The following SYN3 variants were observed in gnomAD, a reference collection of about 807,000 sequenced individuals.
SYN3 encodes synapsin-3.
A neutral mutation model predicts 65.8 loss-of-function variants in SYN3; 35 were observed. The ratio of observed to expected loss-of-function variants is 0.53; its 90% confidence interval spans 0.41 to 0.70. SYN3 has a LOEUF of 0.70. Among genes scored for constraint, SYN3 ranks in the 30% least tolerant of loss-of-function variants. The pLI, the probability that SYN3 is intolerant of heterozygous loss-of-function variation, is 0.00. For synonymous variants in SYN3, 270 were observed against 292.9 expected (o/e 0.92, Z 0.80); for missense variants, 680 against 749.0 (o/e 0.91, Z 1.08).
chr22:32,686,135 G>A (rs2060585659), intron 6 of SYN3, among the ~76,000 whole-genome samples: 1 of 152,028 alleles, frequency 6.6e-6, no homozygotes, highest in South Asian at 2.1e-4. Flanking sequence ...AATCTGAAAA[G>A]GAATAATTTA....
chr22:32,716,941 C>T (rs1386998220), intron 6 of SYN3, among the ~76,000 whole-genome samples: 1 of 152,160 alleles, frequency 6.6e-6, no homozygotes, highest in East Asian at 1.9e-4. Flanking sequence ...CAACCATTAC[C>T]ACCATCCATC....
intron 6 of SYN3, 52 bp from the exon 7 acceptor site, chr22:32,596,788 A>G (rs1212877797): frequency 6.4e-7 from 1 of 1,570,544 alleles, no homozygotes; most frequent in Non-Finnish European, 8.8e-7. Flanking sequence ...ATTGCCACCA[A>G]GGCTCTGGGT....
In SYN3 at chr22:32,682,529, C is replaced by T. The variant is rs368999151; in HGVS notation, c.712-85793G>A. Among the ~76,000 whole-genome samples the T allele has an allele frequency of 2.4e-3, 360 of 152,140 alleles. 1 individual carries two copies. Among genetic ancestry groups the T allele is most frequent in the African/African-American group, 8.0e-3 (330 of 41,508 alleles). Reference sequence around the variant, plus strand: ...CTTCTAGGGTGGAAGGCCCTGGAAGCCAGGGAGGAAGGGCAGTAGCATTTA... The same window carrying T: ...CTTCTAGGGTGGAAGGCCCTGGAAGTCAGGGAGGAAGGGCAGTAGCATTTA... On this transcript the variant is annotated intron_variant, in intron 6 of 13. Coordinates refer to ENST00000358763, the MANE Select transcript of SYN3 (RefSeq NM_003490.4).
At chr22:32,569,219 C>A (rs2058711902) in intron 7 of SYN3, among the ~76,000 whole-genome samples, 1 of 140,592 alleles carries the variant, frequency 7.1e-6, no homozygotes, top group Admixed American at 7.5e-5. Flanking sequence ...ATTCTATCTA[C>A]CTAATTCTTT....
chr22:32,561,895 C>A (rs1270596553), intron 7 of SYN3, among the ~76,000 whole-genome samples: 1 of 152,204 alleles, frequency 6.6e-6, no homozygotes, highest in African/African-American at 2.4e-5. Context: ...GCCCATTTGC[C>A]TGCACAGCAA....
At chr22:32,839,887 A>G (rs1470897858) in intron 6 of SYN3, among the ~76,000 whole-genome samples, 2 of 151,844 alleles carry the variant, frequency 1.3e-5, no homozygotes, top group African/African-American at 4.8e-5. Context: ...CCTTCATTTC[A>G]TCTACAACAG....
intron 7 of SYN3, among the ~76,000 whole-genome samples, chr22:32,551,434 A>T (rs1359766773): frequency 6.6e-6 from 1 of 152,150 alleles, no homozygotes; most frequent in African/African-American, 2.4e-5. Context: ...TGCAGGTGAT[A>T]GAGGAACAAC....
At chr22:33,050,934 G>A (rs749369413) in intron 1 of SYN3, among the ~76,000 whole-genome samples, 6 of 152,188 alleles carry the variant, frequency 3.9e-5, no homozygotes, top group Non-Finnish European at 7.3e-5. Flanking sequence ...GTACCTAGAG[G>A]ACATATGCCG....
intron 6 of SYN3, among the ~76,000 whole-genome samples, chr22:32,815,983 A>G (rs2047079393): frequency 6.6e-6 from 1 of 152,116 alleles, no homozygotes; most frequent in African/African-American, 2.4e-5. Flanking sequence ...CTGTGCCACT[A>G]GTAAGGAACA....
At chr22:32,978,903 G>T (rs976990067) in intron 3 of SYN3, among the ~76,000 whole-genome samples, 3 of 152,152 alleles carry the variant, frequency 2.0e-5, no homozygotes, top group African/African-American at 7.2e-5. Context: ...TGTAGGCCAG[G>T]TGTGGTGGCT....
intron 3 of SYN3, 124 bp downstream of exon 3, chr22:32,980,521 T>C (rs2052339664): frequency 2.3e-6 from 2 of 873,974 alleles, no homozygotes; most frequent in Admixed American, 1.9e-5. Context: ...AGTATAAGCT[T>C]GGACTTTTCT....
At chr22:33,045,470 T>C (rs1026501901) in intron 1 of SYN3, among the ~76,000 whole-genome samples, 1 of 136,694 alleles carries the variant, frequency 7.3e-6, no homozygotes, top group African/African-American at 2.7e-5. Flanking sequence ...TTTTTTTTTT[T>C]TTTTTTTTTT....
chr22:32,812,613 C>G (rs1231804213), intron 6 of SYN3, among the ~76,000 whole-genome samples: 1 of 152,192 alleles, frequency 6.6e-6, no homozygotes, highest in Admixed American at 6.5e-5. Flanking sequence ...TATCCACAGC[C>G]TACCTGAGCA....
chr22:32,674,841 G>A (rs975168372), intron 6 of SYN3, among the ~76,000 whole-genome samples: 90 of 152,152 alleles, frequency 5.9e-4, no homozygotes, highest in African/African-American at 2.1e-3. Context: ...AGATTGATAC[G>A]TTAACGTGTA....
At chr22:32,590,629 A>T (rs967595120) in intron 7 of SYN3, among the ~76,000 whole-genome samples, 2 of 152,214 alleles carry the variant, frequency 1.3e-5, no homozygotes, top group Non-Finnish European at 2.9e-5. Context: ...TACAAAAAAT[A>T]TGTACTTTCT....
chr22:32,910,374 A>C (rs1427009219), intron 4 of SYN3, among the ~76,000 whole-genome samples: 1 of 152,126 alleles, frequency 6.6e-6, no homozygotes, highest in Non-Finnish European at 1.5e-5. Context: ...AGCTCAAAGA[A>C]ACTAGGAGGC....
At chr22:32,792,405 A>G (rs2046343116) in intron 6 of SYN3, among the ~76,000 whole-genome samples, 1 of 152,176 alleles carries the variant, frequency 6.6e-6, no homozygotes. Flanking sequence ...AAGGTCACAC[A>G]GCTATTTTAT....
rs1346730502 is a variant in SYN3, at chr22:32,513,142, C to G, written c.*550G>C. On this transcript the variant is annotated 3_prime_UTR_variant, in exon 14 of 14. Coordinates refer to ENST00000358763, the MANE Select transcript of SYN3 (RefSeq NM_003490.4). Reference sequence around the variant, plus strand: ...TGATGGGGGCCTTTGCCTGCCTGGTCTAAGGGCGGGTCTTGAGCGTGGATG... The same window carrying G: ...TGATGGGGGCCTTTGCCTGCCTGGTGTAAGGGCGGGTCTTGAGCGTGGATG... The G allele has an allele frequency of 6.6e-6, 1 of 152,624 alleles. No homozygotes were observed. Among genetic ancestry groups the G allele is most frequent in the African/African-American group, 2.4e-5 (1 of 41,390 alleles). 9.5% of individuals were successfully genotyped at this position (152,624 alleles called of 1,614,324 possible).
chr22:32,612,789 C>A (rs1222016257), intron 6 of SYN3, among the ~76,000 whole-genome samples: 2 of 152,106 alleles, frequency 1.3e-5, no homozygotes, highest in Non-Finnish European at 2.9e-5. Context: ...CTGCAGTGAG[C>A]AGCTGCACCA....
Sources: gnomAD v4.1 joint callset for allele counts (sites outside exome capture counted in the v4.1 genomes callset) on GRCh38, gnomAD v4.1.1 for gene constraint, MANE v1.5 for transcripts, NCBI Gene and HGNC (gene_info 2026-07-23, HGNC 2026-07-21) for gene names.